The following TLE3 variants were observed in gnomAD, a reference collection of about 807,000 sequenced individuals.
The protein encoded by TLE3 is TLE family member 3, transcriptional corepressor, also known as transducin-like enhancer protein 3.
TLE3 carries 14 observed loss-of-function variants against 93.0 expected under a neutral mutation model. The observed-to-expected ratio is 0.15, with a 90% CI of 0.10 to 0.24. The LOEUF is 0.24. TLE3 is among the 10% of genes least tolerant of loss of function. The pLI, the probability that TLE3 is intolerant of heterozygous loss-of-function variation, is 1.00. For missense variants in TLE3, 693 were observed against 1,046.6 expected (o/e 0.66, Z 4.66); for synonymous variants, 451 against 425.0 (o/e 1.06, Z -0.75).
chr15:70,096,400 C>T, intron 1 of TLE3, 139 bp from the exon 2 acceptor site: 1 of 1,433,408 alleles, frequency 7.0e-7, no homozygotes, highest in African/African-American at 1.4e-5. Flanking sequence ...TTTCTCAGCT[C>T]TCCGACGGGG....
Position 70,058,336 on chromosome 15 carries a change from T to C in TLE3, c.919-45A>G. The C allele has an allele frequency of 1.3e-6, 2 of 1,554,480 alleles. No homozygotes were observed. Among genetic ancestry groups the C allele is most frequent in the Non-Finnish European group, 1.7e-6 (2 of 1,148,556 alleles). ...AACAAGGGAGGCCATGAGGCTTCCA[T>C]TCTCCTAGGAGCCGGGCACAACTGG... On this transcript the variant is annotated intron_variant, in intron 11 of 19. Coordinates refer to ENST00000451782, the MANE Select transcript of TLE3 (RefSeq NM_001105192.3). This position sits in a 1 kb window ranked among gnomAD's most constrained non-coding sequence, Gnocchi z 4.1.
At chr15:70,092,453 G>A (rs1011590244) in intron 4 of TLE3, among the ~76,000 whole-genome samples, 1 of 152,222 alleles carries the variant, frequency 6.6e-6, no homozygotes, top group Non-Finnish European at 1.5e-5. Flanking sequence ...AAGGTAAAGT[G>A]CCCAGTGGGG....
chr15:70,095,754 G>T, intron 2 of TLE3, 113 bp from the exon 3 acceptor site: 1 of 1,326,342 alleles, frequency 7.5e-7, no homozygotes, highest in Non-Finnish European at 1.0e-6. Flanking sequence ...CCCCCCGGGG[G>T]CGCCCCCATT....
At chr15:70,090,440 C>T (rs2058254382) in intron 4 of TLE3, among the ~76,000 whole-genome samples, 1 of 152,238 alleles carries the variant, frequency 6.6e-6, no homozygotes, top group African/African-American at 2.4e-5. Context: ...GTCCCACATT[C>T]TCCTATCAAG....
intron 8 of TLE3, 71 bp from the exon 9 acceptor site, chr15:70,060,720 C>T (rs140802459): frequency 1.3e-6 from 2 of 1,590,590 alleles, no homozygotes; most frequent in Non-Finnish European, 1.7e-6. Flanking sequence ...CCGCACACAG[C>T]TAAGTGCAGG....
intron 4 of TLE3, among the ~76,000 whole-genome samples, chr15:70,090,130 T>G (rs1192842269): frequency 6.6e-6 from 1 of 151,942 alleles, no homozygotes; most frequent in Non-Finnish European, 1.5e-5. Context: ...TCTTGAGGGG[T>G]GGGGCAACCT....
chr15:70,075,423 G>A (rs8037205), intron 5 of TLE3, among the ~76,000 whole-genome samples: 35,551 of 152,200 alleles, frequency 0.23, 4,300 homozygotes, highest in East Asian at 0.33. Context: ...AAGCTCCGAG[G>A]GCATTGCCAT....
chr15:70,095,863 G>T, intron 2 of TLE3: 1 of 640,668 alleles, frequency 1.6e-6, no homozygotes, highest in Non-Finnish European at 2.7e-6. Flanking sequence ...GACTTATCAC[G>T]GCAGCAGGGG....
chr15:70,050,813 A>C lies in TLE3; in HGVS notation c.2202+578T>G, dbSNP rs373919441. The C allele has an allele frequency of 8.3e-4, 131 of 157,626 alleles. 4 individuals carry two copies. The South Asian group carries it at 0.023, about 28-fold the overall frequency. The allele number at this position is 157,626 out of a possible 1,614,324, so 9.8% of individuals were successfully genotyped here. On this transcript the variant is annotated intron_variant, in intron 19 of 19. Transcript: ENST00000451782. ...GTGTGGGGGAGACCAAGTGTGCGTGAGTAAATGAGTGTGAGTTTGATCGTG... is the reference window on the plus strand; with the variant it reads ...GTGTGGGGGAGACCAAGTGTGCGTGCGTAAATGAGTGTGAGTTTGATCGTG...
intron 9 of TLE3, 46 bp from the exon 10 acceptor site, chr15:70,059,506 T>C: frequency 6.4e-7 from 1 of 1,572,434 alleles, no homozygotes; most frequent in East Asian, 2.3e-5. Context: ...GGCCACACTT[T>C]CCCCACCCCT....
chr15:70,053,161 C>T (rs1595859570), intron 17 of TLE3, 66 bp downstream of exon 17: 1 of 1,540,138 alleles, frequency 6.5e-7, no homozygotes, highest in Admixed American at 1.9e-5. Flanking sequence ...CCTGACCCAG[C>T]CACTGGGGCC....
At position 70,097,391 on chromosome 15, in the gene TLE3, C is replaced by T; in HGVS notation, c.-593G>A. 2.4e-6 allele frequency: 1 copy of T among 408,322 alleles called. No individual in the cohort carries two copies. Among genetic ancestry groups the T allele is most frequent in the Non-Finnish European group, 4.3e-6 (1 of 231,502 alleles). 25.3% of individuals were successfully genotyped at this position (408,322 alleles called of 1,614,324 possible). Reference sequence around the variant, plus strand: ...CCGGAGGGTGAGGGCGGGAGCCCGGCGCGGGCGCTTCGACGCCCCCCCTCG... The same window carrying T: ...CCGGAGGGTGAGGGCGGGAGCCCGGTGCGGGCGCTTCGACGCCCCCCCTCG... On this transcript the variant is annotated 5_prime_UTR_variant, in exon 1 of 20. Transcript: ENST00000451782.
rs2057346951 is a variant in TLE3, at chr15:70,074,556, T to A, written c.349A>T (p.Thr117Ser). ...AVERAKQVTM[T>S]ELNAIIGQQQ... ...ACCCCGATGATGGCGTTCAGCTCCG[T>A]CATGGTGACCTGCTTGGCGCGCTCC... The change falls in exon 6 of 20, where the codon ACG becomes TCG. Residue 117 changes from threonine to serine, a missense_variant. Coordinates refer to ENST00000451782, the MANE Select transcript of TLE3 (RefSeq NM_001105192.3). 6.2e-7 allele frequency: 1 copy of A among 1,612,894 alleles called. No homozygotes were observed. The highest frequency in any genetic ancestry group is 8.5e-7 in the Non-Finnish European group (1 of 1,179,512).
intron 6 of TLE3, among the ~76,000 whole-genome samples, chr15:70,067,895 G>A (rs1396226314): frequency 6.6e-6 from 1 of 152,186 alleles, no homozygotes; most frequent in Non-Finnish European, 1.5e-5. Context: ...GACGTCTGTT[G>A]CTAGGCAGTT....
intron 1 of TLE3, 148 bp from the exon 2 acceptor site, chr15:70,096,409 G>A: frequency 1.4e-6 from 2 of 1,380,824 alleles, no homozygotes; most frequent in Non-Finnish European, 1.9e-6. Context: ...TCTCCGACGG[G>A]GCGGAGGGGG....
intron 18 of TLE3, 41 bp from the exon 19 acceptor site, chr15:70,051,508 C>T: frequency 6.4e-7 from 1 of 1,563,620 alleles, no homozygotes. Flanking sequence ...TTGTAGCTCA[C>T]TGCCCTCTAA....
intron 1 of TLE3, 72 bp downstream of exon 1, chr15:70,096,703 A>T (rs1276989927): frequency 3.1e-6 from 5 of 1,590,288 alleles, no homozygotes; most frequent in Non-Finnish European, 4.3e-6. Flanking sequence ...AGCAAAATGG[A>T]GGTGCCAGAT....
intron 17 of TLE3, chr15:70,053,005 C>T (rs2055686954): frequency 7.4e-6 from 4 of 538,730 alleles, no homozygotes; most frequent in African/African-American, 1.9e-5. Flanking sequence ...GAGAATGAAT[C>T]GAATTTCCAC....
At chr15:70,087,472 G>A (rs1349690063) in intron 4 of TLE3, among the ~76,000 whole-genome samples, 1 of 152,218 alleles carries the variant, frequency 6.6e-6, no homozygotes, top group Admixed American at 6.5e-5. Context: ...ATAATATCTG[G>A]AAGATCAAAT....
Sources: gnomAD v4.1 joint callset for allele counts (sites outside exome capture counted in the v4.1 genomes callset) on GRCh38, gnomAD v4.1.1 for gene constraint, Gnocchi (gnomAD v3.1) non-coding constraint, MANE v1.5 for transcripts, NCBI Gene and HGNC (gene_info 2026-07-23, HGNC 2026-07-21) for gene names.